The following KHDRBS2 variants were observed in gnomAD, a reference collection of about 807,000 sequenced individuals.
KHDRBS2 encodes KH RNA binding domain containing, signal transduction associated 2.
Under a neutral mutation model 44.3 loss-of-function variants are expected in KHDRBS2, and 26 were observed. The ratio of observed to expected loss-of-function variants is 0.59; its 90% confidence interval spans 0.43 to 0.81. KHDRBS2 has a LOEUF of 0.81. Among genes scored for constraint, KHDRBS2 ranks in the 40% least tolerant of loss-of-function variants. The probability of loss-of-function intolerance (pLI) is 0.00; values close to 1 mark genes in which losing one functional copy is unlikely to be tolerated. For synonymous variants in KHDRBS2, 194 were observed against 151.1 expected, an observed-to-expected ratio of 1.28 and a Z score of -2.08; for missense variants, 476 against 433.1, an observed-to-expected ratio of 1.10 and a Z score of -0.88.
chr6:61,979,752 A>C (rs1773457099), intron 3 of KHDRBS2, among the ~76,000 whole-genome samples: 1 of 152,134 alleles, frequency 6.6e-6, no homozygotes, highest in Non-Finnish European at 1.5e-5. Context: ...ACACTGAATG[A>C]AAATACTCTC....
At chr6:61,737,671 C>A (rs1471928258) in intron 6 of KHDRBS2, among the ~76,000 whole-genome samples, 1 of 151,958 alleles carries the variant, frequency 6.6e-6, no homozygotes, top group Non-Finnish European at 1.5e-5. Context: ...AGTGTTCTAG[C>A]AGCTAGGGTA....
chr6:61,556,496 GA>G, the KHDRBS2 span, among the ~76,000 whole-genome samples: 1 of 152,122 alleles, frequency 6.6e-6, no homozygotes, highest in African/African-American at 2.4e-5. Flanking sequence ...TGTCTTCTTT[GA>G]AGTGATAGGC....
intron 2 of KHDRBS2, among the ~76,000 whole-genome samples, chr6:62,123,634 C>T (rs1808241775): frequency 6.6e-6 from 1 of 152,192 alleles, no homozygotes; most frequent in Non-Finnish European, 1.5e-5. Context: ...ATTTACACCA[C>T]TCAGCAAACT....
chr6:61,881,090 A>T (rs1424407601), intron 6 of KHDRBS2, among the ~76,000 whole-genome samples: 1 of 151,982 alleles, frequency 6.6e-6, no homozygotes. Context: ...TATGTACTTG[A>T]CATAAGGGCT....
chr6:61,846,465 G>A (rs1794419270), intron 6 of KHDRBS2, among the ~76,000 whole-genome samples: 1 of 152,078 alleles, frequency 6.6e-6, no homozygotes, highest in African/African-American at 2.4e-5. Flanking sequence ...CTAGGGCATG[G>A]GTGGTGTCTA....
intron 4 of KHDRBS2, among the ~76,000 whole-genome samples, chr6:61,955,996 C>T (rs1262964257): frequency 2.6e-5 from 4 of 152,080 alleles, no homozygotes; most frequent in African/African-American, 7.2e-5. Context: ...GTATTGAGAT[C>T]ATCCTGGCCA....
At chr6:62,076,286 AAGG>A (rs1431248172) in intron 2 of KHDRBS2, among the ~76,000 whole-genome samples, 1 of 151,990 alleles carries the variant, frequency 6.6e-6, no homozygotes, top group African/African-American at 2.4e-5. Context: ...GATTACACAA[AAGG>A]AGAACTCATC....
intron 7 of KHDRBS2, among the ~76,000 whole-genome samples, chr6:61,710,884 C>T (rs1185207664): frequency 4.3e-5 from 6 of 140,018 alleles, no homozygotes; most frequent in South Asian, 4.8e-4. Context: ...GGATGTTGTG[C>T]GAAAAATGCA....
chr6:62,184,379 T>C (rs1473585032), intron 1 of KHDRBS2, among the ~76,000 whole-genome samples: 2 of 151,760 alleles, frequency 1.3e-5, no homozygotes, highest in African/African-American at 4.8e-5. Context: ...GAAACATCAA[T>C]GGAACTTTGC....
At chr6:62,061,858 A>G (rs1470888060) in intron 2 of KHDRBS2, among the ~76,000 whole-genome samples, 2 of 150,008 alleles carry the variant, frequency 1.3e-5, no homozygotes, top group Non-Finnish European at 3.0e-5. Context: ...TATTTCTTGG[A>G]GGCTTTGCTC....
rs541501385 is a variant in KHDRBS2 at position 61,996,189 on chromosome 6, T to C, written c.337-17977A>G. 4.6e-5 allele frequency among the ~76,000 whole-genome samples: 7 copies of C among 152,286 alleles called. No individual in the cohort carries two copies. The East Asian group carries it at 1.4e-3, about 29-fold the overall frequency. On this transcript the variant is annotated intron_variant, in intron 3 of 8. Coordinates refer to ENST00000281156, the MANE Select transcript of KHDRBS2 (RefSeq NM_152688.4). The stretch of plus-strand genomic sequence containing the variant: ...AATGTTTTAATACTTTATAAAAGGG[T>C]ATCTGTGACTTGGAATGAAATCTCC...
At chr6:61,604,144 G>T in the KHDRBS2 span, among the ~76,000 whole-genome samples, 1 of 152,136 alleles carries the variant, frequency 6.6e-6, no homozygotes, top group Non-Finnish European at 1.5e-5. Flanking sequence ...TCCATATCCT[G>T]CACAGCCATG....
chr6:61,893,283 A>G (rs1481822495), intron 6 of KHDRBS2, among the ~76,000 whole-genome samples: 2 of 152,180 alleles, frequency 1.3e-5, no homozygotes, highest in African/African-American at 2.4e-5. Context: ...AAGTAGGAAC[A>G]CTTTTACACT....
intron 4 of KHDRBS2, among the ~76,000 whole-genome samples, chr6:61,953,135 T>C (rs147033450): frequency 3.3e-5 from 5 of 152,162 alleles, no homozygotes; most frequent in East Asian, 1.9e-4. Flanking sequence ...AATGAAATCT[T>C]ATATTTATCT....
intron 6 of KHDRBS2, among the ~76,000 whole-genome samples, chr6:61,752,174 T>A (rs1426641224): frequency 2.0e-5 from 3 of 151,960 alleles, no homozygotes; most frequent in Non-Finnish European, 2.9e-5. Context: ...CAGGAAGGGG[T>A]GGAAAGGCAC....
At chr6:61,885,044 T>C (rs1167263289) in intron 6 of KHDRBS2, among the ~76,000 whole-genome samples, 2 of 152,112 alleles carry the variant, frequency 1.3e-5, no homozygotes, top group South Asian at 2.1e-4. Context: ...AACAAACAAC[T>C]GTAAATTTTC....
chr6:62,126,533 A>T (rs777392258), intron 2 of KHDRBS2, among the ~76,000 whole-genome samples: 1 of 152,184 alleles, frequency 6.6e-6, no homozygotes, highest in Non-Finnish European at 1.5e-5. Flanking sequence ...GATGAAACCC[A>T]GTGCTAGGCT....
intron 2 of KHDRBS2, among the ~76,000 whole-genome samples, chr6:62,171,265 G>A (rs1191356068): frequency 6.6e-6 from 1 of 151,780 alleles, no homozygotes; most frequent in Non-Finnish European, 1.5e-5. Flanking sequence ...GCTGAAAAAT[G>A]GACTACAAAA....
intron 3 of KHDRBS2, among the ~76,000 whole-genome samples, chr6:61,991,084 G>A (rs1483519851): frequency 6.6e-6 from 1 of 152,118 alleles, no homozygotes; most frequent in Admixed American, 6.5e-5. Context: ...GTATAATAAG[G>A]TGATGTGTCA....
Sources: allele counts gnomAD v4.1 joint callset (sites outside exome capture counted in the v4.1 genomes callset), GRCh38; gene constraint gnomAD v4.1.1; transcripts MANE v1.5; gene names NCBI Gene and HGNC (gene_info 2026-07-23, HGNC 2026-07-21).